ELAVL2: variants seen among roughly 807,000 people sequenced by gnomAD.
The protein encoded by ELAVL2 is ELAV-like protein 2.
In ELAVL2, 4 loss-of-function variants were observed where a neutral mutation model predicts 34.6. The ratio of observed to expected loss-of-function variants is 0.12; its 90% CI spans 0.06 to 0.26. ELAVL2 has a LOEUF of 0.26. ELAVL2 is among the 10% of genes least tolerant of loss of function. ELAVL2 has a pLI of 1.00. For synonymous variants in ELAVL2, 193 were observed against 154.8 expected, an observed-to-expected ratio of 1.25 and a Z score of -1.83; for missense variants, 432 against 442.8, an observed-to-expected ratio of 0.98 and a Z score of 0.22.
chr9:23,696,392 C>G (rs748591781), intron 5 of ELAVL2, among the ~76,000 whole-genome samples: 5 of 152,208 alleles, frequency 3.3e-5, no homozygotes, highest in Admixed American at 6.5e-5. Flanking sequence ...TGCAGCAGCT[C>G]AAACACAAGG....
chr9:23,819,032 C>G (rs1269885034), intron 1 of ELAVL2, among the ~76,000 whole-genome samples: 1 of 152,120 alleles, frequency 6.6e-6, no homozygotes, highest in Non-Finnish European at 1.5e-5. Context: ...TTTGCTGTGT[C>G]CTTAAAGAGA....
chr9:23,773,099 T>C (rs536449511), intron 1 of ELAVL2, among the ~76,000 whole-genome samples: 2 of 152,170 alleles, frequency 1.3e-5, no homozygotes, highest in East Asian at 3.9e-4. Context: ...TTACATTCAA[T>C]GCAAGTGTTA....
At chr9:23,849,202 C>G in the ELAVL2 span, among the ~76,000 whole-genome samples, 2 of 152,074 alleles carry the variant, frequency 1.3e-5, no homozygotes, top group Non-Finnish European at 2.9e-5. Context: ...GGAAAGGATG[C>G]TGAAGAAGGA....
At chr9:23,764,399 AGTGAACAGCTGCAGTAGGCTGTGT>A (rs1311703673) in intron 1 of ELAVL2, among the ~76,000 whole-genome samples, 2 of 152,312 alleles carry the variant, frequency 1.3e-5, no homozygotes, top group Admixed American at 1.3e-4. Flanking sequence ...CCAACATTCA[AGTGAACAGCTGCAGTAGGCTGTGT>A]GCGCTGAAAA....
the ELAVL2 span, among the ~76,000 whole-genome samples, chr9:23,833,267 T>A: frequency 4.6e-5 from 7 of 151,844 alleles, no homozygotes; most frequent in African/African-American, 1.4e-4. Flanking sequence ...TAGGCAGTAT[T>A]ATATTATCTC....
chr9:23,850,551 C>T, the ELAVL2 span, among the ~76,000 whole-genome samples: 1 of 151,890 alleles, frequency 6.6e-6, no homozygotes, highest in Non-Finnish European at 1.5e-5. Flanking sequence ...CCGAGAGCCC[C>T]AGGAGCAGGG....
chr9:23,743,748 A>AC (rs2049843735), intron 2 of ELAVL2, among the ~76,000 whole-genome samples: 1 of 152,212 alleles, frequency 6.6e-6, no homozygotes, highest in African/African-American at 2.4e-5. Context: ...AGAGGGTTAA[A>AC]AAAATCTTAT....
At chr9:23,732,268 G>C (rs1168458584) in intron 2 of ELAVL2, among the ~76,000 whole-genome samples, 2 of 152,160 alleles carry the variant, frequency 1.3e-5, no homozygotes, top group South Asian at 2.1e-4. Context: ...AGCTACTCTG[G>C]TTATCCTAAT....
At chr9:23,835,736 C>T in the ELAVL2 span, among the ~76,000 whole-genome samples, 1 of 152,078 alleles carries the variant, frequency 6.6e-6, no homozygotes, top group Non-Finnish European at 1.5e-5. Flanking sequence ...ATAGATGGAG[C>T]TATAGCTGTG....
rs2044601786 is a variant in ELAVL2, at chr9:23,724,597, TAA to T, written c.333+6423_333+6424del. On this transcript the variant is annotated intron_variant, in intron 3 of 6. Transcript: ENST00000397312. ...ATGAAGGGCATTATACAAATAACAATAAAAAAGTCATCTGTGACTTCTCACTT... is the reference window on the plus strand; with the variant it reads ...ATGAAGGGCATTATACAAATAACAATAAAAGTCATCTGTGACTTCTCACTT... Among the ~76,000 whole-genome samples, 3 of 152,094 alleles carry T rather than the reference TAA, an allele frequency of 2.0e-5. No homozygotes were observed. In the South Asian group the frequency reaches 6.2e-4, roughly 31 times the overall value.
intron 2 of ELAVL2, among the ~76,000 whole-genome samples, chr9:23,751,195 C>CA (rs1479073413): frequency 6.6e-6 from 1 of 151,976 alleles, no homozygotes; most frequent in Non-Finnish European, 1.5e-5. Flanking sequence ...CCTACAAAAT[C>CA]AAAGCAGTAT....
At chr9:23,821,645 C>A in intron 1 of ELAVL2, 1 of 152,550 alleles carries the variant, frequency 6.6e-6, no homozygotes, top group South Asian at 2.0e-4. Context: ...GCTCGTGCCG[C>A]TGGCCGTCAG....
chr9:23,770,274 TCCAGCATTAAA>T (rs1264558314), intron 1 of ELAVL2, among the ~76,000 whole-genome samples: 14 of 152,166 alleles, frequency 9.2e-5, no homozygotes, highest in Admixed American at 9.2e-4. Flanking sequence ...ACGGGTAGTT[TCCAGCATTAAA>T]CAAGCAGGCC....
intron 3 of ELAVL2, among the ~76,000 whole-genome samples, chr9:23,716,005 C>T (rs753370314): frequency 2.0e-5 from 3 of 152,092 alleles, no homozygotes; most frequent in Non-Finnish European, 4.4e-5. Flanking sequence ...GTGGATAAGA[C>T]AAGAGACGGG....
the ELAVL2 span, chr9:23,831,621 C>G: frequency 4.6e-5 from 7 of 152,232 alleles, no homozygotes; most frequent in Non-Finnish European, 7.3e-5. Context: ...CCAAACTTCA[C>G]GCTTGATAAG....
intron 3 of ELAVL2, among the ~76,000 whole-genome samples, chr9:23,707,086 A>G (rs1199531336): frequency 2.0e-5 from 3 of 152,218 alleles, no homozygotes; most frequent in Non-Finnish European, 4.4e-5. Context: ...GAAAACATAC[A>G]TAACTATTCA....
chr9:23,783,564 C>G, intron 1 of ELAVL2: 1 of 886,408 alleles, frequency 1.1e-6, no homozygotes, highest in Non-Finnish European at 1.4e-6. Flanking sequence ...TAAAAGGACA[C>G]AGAAGAAAAC....
Position 23,701,508 on chromosome 9 carries a change from G to A in ELAVL2, c.584C>T (p.Thr195Met), listed in dbSNP as rs199582251. The A allele has an allele frequency of 9.1e-5, 147 of 1,614,094 alleles. No homozygotes were observed. The highest frequency in any genetic ancestry group is 5.8e-4 in the East Asian group (26 of 44,860). The change falls in exon 5 of 7, where the codon ACG (threonine) becomes ATG (methionine). Residue 195 changes from threonine to methionine, a missense_variant. Coordinates refer to ENST00000397312, the MANE Select transcript of ELAVL2 (RefSeq NM_004432.5). The stretch of plus-strand genomic sequence containing the variant: ...AGCAAACTTTACAGTGATTGGCTCC[G>A]TGGCACCGGGAGGTTTCTGGCCATT... The part of the protein sequence containing the change: ...GLNGQKPPGA[T>M]EPITVKFANN...
chr9:23,824,439 G>T lies in ELAVL2; in HGVS notation c.-16+1367C>A, dbSNP rs184075526. ...GTCCAGTCCGGGAGGCTGACGGTGC[G>T]CTGGCTTTCCCAGCCGGTAGAGTGG... On this transcript the variant is annotated intron_variant, in intron 1 of 6. Coordinates refer to ENST00000397312, the MANE Select transcript of ELAVL2 (RefSeq NM_004432.5). Among the ~76,000 whole-genome samples the T allele has an allele frequency of 1.1e-4, 17 of 152,254 alleles. No homozygotes were observed. In the East Asian group the frequency reaches 3.3e-3, roughly 29 times the overall value.
Sources: gnomAD v4.1 joint callset for allele counts (sites outside exome capture counted in the v4.1 genomes callset) on GRCh38, gnomAD v4.1.1 for gene constraint, MANE v1.5 for transcripts, NCBI Gene and HGNC (gene_info 2026-07-23, HGNC 2026-07-21) for gene names.